Variants in SLC16A7 observed in about 807,000 individuals in gnomAD.
SLC16A7 encodes the protein monocarboxylate transporter 2.
In SLC16A7, 33 loss-of-function variants were observed where a neutral mutation model predicts 34.9. The observed-to-expected ratio is 0.94, with a 90% CI of 0.72 to 1.26. SLC16A7 has a LOEUF of 1.26. Among genes scored for constraint, SLC16A7 ranks in the 50% most tolerant of loss-of-function variants. The probability of loss-of-function intolerance (pLI) is 0.00; values close to 1 mark genes in which losing one functional copy is unlikely to be tolerated. For synonymous variants in SLC16A7, 201 were observed against 206.6 expected (o/e 0.97, Z 0.23); for missense variants, 573 against 578.1 (o/e 0.99, Z 0.09).
At chr12:59,673,713 A>G (rs773746359) in intron 2 of SLC16A7, among the ~76,000 whole-genome samples, 5 of 152,152 alleles carry the variant, frequency 3.3e-5, no homozygotes, top group Non-Finnish European at 7.4e-5. Flanking sequence ...GTTTATAAAG[A>G]TGACACTGCA....
intron 1 of SLC16A7, among the ~76,000 whole-genome samples, chr12:59,620,844 AT>A (rs1280941355): frequency 6.6e-6 from 1 of 151,906 alleles, no homozygotes; most frequent in African/African-American, 2.4e-5. Context: ...TGGGAGAAAT[AT>A]TTATAGTTTT....
intron 2 of SLC16A7, among the ~76,000 whole-genome samples, chr12:59,700,419 T>C (rs1872741829): frequency 1.3e-5 from 2 of 150,636 alleles, no homozygotes; most frequent in African/African-American, 4.9e-5. Context: ...CAAGATTATA[T>C]ATGTCATATG....
chr12:59,695,867 G>A (rs74094010), intron 2 of SLC16A7, among the ~76,000 whole-genome samples: 1,688 of 151,912 alleles, frequency 0.011, 25 homozygotes, highest in African/African-American at 0.039. Flanking sequence ...TTTTTCTGTC[G>A]CCCCGATTTG....
At chr12:59,604,005 G>A (rs192983202) in intron 1 of SLC16A7, among the ~76,000 whole-genome samples, 132 of 152,290 alleles carry the variant, frequency 8.7e-4, no homozygotes, top group South Asian at 2.3e-3. Context: ...TACCAATGTG[G>A]TGACAGCTCA....
chr12:59,733,899 T>A (rs1234425184), intron 3 of SLC16A7: 2 of 448,010 alleles, frequency 4.5e-6, no homozygotes, highest in African/African-American at 4.0e-5. Flanking sequence ...GGTATCTCCT[T>A]CCCACAGCTG....
chr12:59,766,265 G>T (rs1217121622), intron 3 of SLC16A7, among the ~76,000 whole-genome samples: 1 of 152,202 alleles, frequency 6.6e-6, no homozygotes, highest in African/African-American at 2.4e-5. Context: ...ATACAATCAT[G>T]TCATCTGCAA....
intron 1 of SLC16A7, among the ~76,000 whole-genome samples, chr12:59,631,243 A>G (rs1488937341): frequency 6.6e-6 from 1 of 151,944 alleles, no homozygotes; most frequent in Non-Finnish European, 1.5e-5. Context: ...TGCTGCTAGA[A>G]TAGGCCTTTG....
At chr12:59,696,967 A>G (rs1872371760) in intron 2 of SLC16A7, among the ~76,000 whole-genome samples, 1 of 152,010 alleles carries the variant, frequency 6.6e-6, no homozygotes, top group South Asian at 2.1e-4. Flanking sequence ...TTGATGAACT[A>G]TGGAAAAACA....
chr12:59,752,599 A>T (rs1879718789), intron 3 of SLC16A7, among the ~76,000 whole-genome samples: 1 of 151,948 alleles, frequency 6.6e-6, no homozygotes, highest in Admixed American at 6.6e-5. Flanking sequence ...GAAATATGGG[A>T]CTATGTGAAA....
chr12:59,723,959 G>A (rs1212495825), intron 3 of SLC16A7, among the ~76,000 whole-genome samples: 7 of 151,692 alleles, frequency 4.6e-5, no homozygotes, highest in African/African-American at 1.7e-4. Flanking sequence ...TCTTAAACAG[G>A]CATGCAAGTT....
rs1883636126 is a variant in SLC16A7, at chr12:59,786,577, A to G, written c.*6898A>G. ...TGAATTAAAATATTTATTTCTAAAC[A>G]TTAGATCTAATTGTATTTTGATTTG... On this transcript the variant is annotated 3_prime_UTR_variant, in exon 6 of 6. Coordinates refer to ENST00000547379, the MANE Select transcript of SLC16A7 (RefSeq NM_001270623.2). 1 of 152,306 alleles carries G rather than the reference A, an allele frequency of 6.6e-6. No homozygotes were observed. Among genetic ancestry groups the G allele is most frequent in the East Asian group, 1.9e-4 (1 of 5,190 alleles). The allele number at this position is 152,306 out of a possible 1,614,324, so 9.4% of individuals were successfully genotyped here. A position where few individuals can be genotyped will look rare whatever the true frequency, so the allele number is the denominator to read the frequency against.
Position 59,727,170 on chromosome 12 carries a change from A to ATATATATATATAAT in SLC16A7, c.217+22152_217+22153insTATATATATATAAT, listed in dbSNP as rs1555174538. Among the ~76,000 whole-genome samples the ATATATATATATAAT allele has an allele frequency of 1.4e-4, 20 of 144,390 alleles. No homozygotes were observed. In the South Asian group the frequency reaches 1.7e-3, roughly 12 times the overall value. 94.7% of individuals were successfully genotyped at this position (144,390 alleles called of 152,430 possible). On this transcript the variant is annotated intron_variant, in intron 3 of 5. Coordinates refer to ENST00000547379, the MANE Select transcript of SLC16A7 (RefSeq NM_001270623.2). ...GATGGACATATATATATATATATATAATATATATATGTTGTATTTAGAAGG... is the reference window on the plus strand; with the variant it reads ...GATGGACATATATATATATATATATATATATATATATAATATATATATATGTTGTATTTAGAAGG...
rs1251261994 is a variant in SLC16A7 at position 59,707,083 on chromosome 12, T to C, written c.217+2065T>C. On this transcript the variant is annotated intron_variant, in intron 3 of 5. Coordinates refer to ENST00000547379, the MANE Select transcript of SLC16A7 (RefSeq NM_001270623.2). ...TTGTTCCCTAAATCTGCTCCATCTG[T>C]TGGACAAATAGTAAAGGCAGACAGC... Among the ~76,000 whole-genome samples, 5 of 152,104 alleles carry C rather than the reference T, an allele frequency of 3.3e-5. No homozygotes were observed. In the South Asian group the frequency reaches 1.0e-3, roughly 31 times the overall value.
intron 3 of SLC16A7, among the ~76,000 whole-genome samples, chr12:59,730,347 TAA>T (rs4020154): frequency 0.6 from 86,978 of 143,986 alleles, 26,306 homozygotes; most frequent in African/African-American, 0.75. Context: ...TTCCTAAAAT[TAA>T]AAAAAAAAAA....
chr12:59,730,466 T>C (rs970496131), intron 3 of SLC16A7, among the ~76,000 whole-genome samples: 1 of 151,992 alleles, frequency 6.6e-6, no homozygotes, highest in African/African-American at 2.4e-5. Flanking sequence ...TGTTAGCATA[T>C]GAGTATTAAG....
chr12:59,649,182 T>A (rs1565630955), intron 1 of SLC16A7, among the ~76,000 whole-genome samples: 1 of 152,136 alleles, frequency 6.6e-6, no homozygotes, highest in East Asian at 1.9e-4. Flanking sequence ...GACAAACTAA[T>A]GTCTCAGGAA....
intron 3 of SLC16A7, among the ~76,000 whole-genome samples, chr12:59,712,087 T>C (rs1470840637): frequency 6.6e-6 from 1 of 152,240 alleles, no homozygotes; most frequent in African/African-American, 2.4e-5. Context: ...AGTGTGTGTG[T>C]ATGTATAATG....
At chr12:59,640,857 C>T (rs1880652635) in intron 1 of SLC16A7, among the ~76,000 whole-genome samples, 1 of 151,786 alleles carries the variant, frequency 6.6e-6, no homozygotes, top group African/African-American at 2.4e-5. Context: ...GCCAAAGTTC[C>T]CTTAAGAATT....
At chr12:59,666,199 G>A (rs189777410) in intron 2 of SLC16A7, among the ~76,000 whole-genome samples, 17 of 152,222 alleles carry the variant, frequency 1.1e-4, no homozygotes, top group Non-Finnish European at 2.1e-4. Flanking sequence ...AAGTCGAGTT[G>A]ATGGTTATTA....
Sources: allele counts gnomAD v4.1 joint callset (sites outside exome capture counted in the v4.1 genomes callset), GRCh38; gene constraint gnomAD v4.1.1; transcripts MANE v1.5; gene names NCBI Gene and HGNC (gene_info 2026-07-23, HGNC 2026-07-21).